Variants in ZNF429 observed in about 807,000 individuals in gnomAD.
The protein encoded by ZNF429 is zinc finger protein 429.
In ZNF429, 53 loss-of-function variants were observed where a neutral mutation model predicts 56.8. That is an observed-to-expected ratio of 0.93 (90% CI 0.75 to 1.17). The LOEUF is 1.17. Ranked by LOEUF, ZNF429 falls within the 50% of genes most tolerant of loss-of-function variation. The pLI, the probability that ZNF429 is intolerant of heterozygous loss-of-function variation, is 0.00. For missense variants in ZNF429, 849 were observed against 788.4 expected (o/e 1.08, Z -0.92); for synonymous variants, 278 against 264.7 (o/e 1.05, Z -0.49).
chr19:21,526,378 C>A (rs2033174254), intron 1 of ZNF429, among the ~76,000 whole-genome samples: 1 of 152,156 alleles, frequency 6.6e-6, no homozygotes, highest in Non-Finnish European at 1.5e-5. Context: ...CATTCCTATG[C>A]CTTTGTGTTT....
At chr19:21,521,677 T>G (rs1879234) in intron 1 of ZNF429, 123,172 of 152,730 alleles carry the variant, frequency 0.81, 50,334 homozygotes, top group African/African-American at 0.94. Flanking sequence ...CATGCTTTGG[T>G]TGTCTGTTTC....
Position 21,522,961 on chromosome 19 carries a change from A to G in ZNF429, c.4-6697A>G, listed in dbSNP as rs531586088. ...GCAGAATCATGTCTCTTTGTTATCT[A>G]TAGTCCTCTACAGTCACTTCTAGAG... On this transcript the variant is annotated intron_variant, in intron 1 of 3. Transcript: ENST00000358491. Among the ~76,000 whole-genome samples, 28 of 152,074 alleles carry G rather than the reference A, an allele frequency of 1.8e-4. No individual in the cohort carries two copies. The South Asian group carries it at 4.4e-3, about 24-fold the overall frequency.
At chr19:21,506,052 T>C (rs1183356841) in intron 1 of ZNF429, 1 of 290,168 alleles carries the variant, frequency 3.4e-6, no homozygotes, top group Non-Finnish European at 6.9e-6. Flanking sequence ...CTCTCCCAGA[T>C]TGTGCAAGAA....
intron 3 of ZNF429, among the ~76,000 whole-genome samples, chr19:21,531,131 C>CAAAAAAAAAA: frequency 2.2e-5 from 1 of 44,790 alleles, no homozygotes; most frequent in African/African-American, 1.1e-4. Flanking sequence ...AAAAAAAAAC[C>CAAAAAAAAAA]AAAAAAAAAA....
intron 3 of ZNF429, among the ~76,000 whole-genome samples, chr19:21,536,021 T>C: frequency 2.6e-5 from 4 of 152,188 alleles, no homozygotes; most frequent in Non-Finnish European, 5.9e-5. Flanking sequence ...GTAACAGAAA[T>C]GTTTTTCATT....
intron 1 of ZNF429, among the ~76,000 whole-genome samples, chr19:21,527,547 G>A (rs1272026618): frequency 6.6e-6 from 1 of 152,136 alleles, no homozygotes; most frequent in Non-Finnish European, 1.5e-5. Context: ...GGTTTGGTAG[G>A]GACAGGGCAG....
intron 3 of ZNF429, among the ~76,000 whole-genome samples, chr19:21,533,718 T>C: frequency 0.81 from 122,337 of 151,748 alleles, 49,976 homozygotes; most frequent in African/African-American, 0.94. Flanking sequence ...TGTACCGGTG[T>C]AGTCTCAGCT....
chr19:21,537,514 C>G lies in ZNF429; in HGVS notation c.1461C>G (p.Gly487=), dbSNP rs753417701. 14 of 1,613,640 alleles carry G rather than the reference C, an allele frequency of 8.7e-6. No homozygotes were observed. Among genetic ancestry groups the G allele is most frequent in the Middle Eastern group, 3.3e-4 (2 of 6,082 alleles). ...GEKPYKCEEC[G]KAFKQSSNLN... is the part of the protein sequence containing the mutation. Reference sequence around the variant, plus strand: ...AACCCTACAAATGTGAAGAATGTGGCAAAGCCTTTAAGCAGTCCTCAAACC... The same window carrying G: ...AACCCTACAAATGTGAAGAATGTGGGAAAGCCTTTAAGCAGTCCTCAAACC... The change falls in exon 4 of 4, where the codon GGC becomes GGG. Residue 487 remains glycine (G), a synonymous_variant. Transcript: ENST00000358491.
intron 1 of ZNF429, among the ~76,000 whole-genome samples, chr19:21,511,191 C>T (rs539232588): frequency 0.015 from 2,179 of 149,922 alleles, 23 homozygotes; most frequent in Non-Finnish European, 0.024. Context: ...CCGGATGGGG[C>T]GGCTGGCCGG....
In ZNF429 at chr19:21,540,296, G is replaced by A. The variant is rs1441363652; in HGVS notation, c.*2218G>A. ...TGCTATTTAGTAACATAGTGGAATA[G>A]CATCTCTAGTAATCTCTTTTGCCAG... On this transcript the variant is annotated 3_prime_UTR_variant, in exon 4 of 4. Transcript: ENST00000358491. Among the ~76,000 whole-genome samples the A allele has an allele frequency of 6.6e-6, 1 of 152,146 alleles. No homozygotes were observed. Among genetic ancestry groups the A allele is most frequent in the Non-Finnish European group, 1.5e-5 (1 of 68,004 alleles).
intron 1 of ZNF429, among the ~76,000 whole-genome samples, chr19:21,526,421 A>G (rs1378553198): frequency 6.6e-6 from 1 of 152,242 alleles, no homozygotes; most frequent in Admixed American, 6.5e-5. Context: ...CAGTGAGAAC[A>G]GAAAACCTTT....
intron 3 of ZNF429, among the ~76,000 whole-genome samples, chr19:21,531,371 G>C: frequency 6.6e-6 from 1 of 152,058 alleles, no homozygotes; most frequent in South Asian, 2.1e-4. Context: ...CTTACCTCCT[G>C]AGGCCAGTTT....
At chr19:21,514,261 G>A (rs2032635605) in intron 1 of ZNF429, among the ~76,000 whole-genome samples, 1 of 152,282 alleles carries the variant, frequency 6.6e-6, no homozygotes, top group African/African-American at 2.4e-5. Context: ...TGTCATGGAA[G>A]TTTAGTGTAG....
chr19:21,505,729 G>A lies in ZNF429; in HGVS notation c.-43G>A, dbSNP rs943882534. The A allele has an allele frequency of 1.6e-5, 26 of 1,605,250 alleles. No individual in the cohort carries two copies. The Admixed American group carries it at 2.3e-4, about 14-fold the overall frequency. ...TGGCCCTGTGACCCGCAGATATTGG[G>A]AGATACACAGCTAAGACTCCAGGAC... On this transcript the variant is annotated 5_prime_UTR_variant, in exon 1 of 4. Transcript: ENST00000358491.
At chr19:21,531,124 AAAAAAC>A in intron 3 of ZNF429, among the ~76,000 whole-genome samples, 4 of 65,462 alleles carry the variant, frequency 6.1e-5, no homozygotes, top group Admixed American at 4.5e-4. Flanking sequence ...AAAAAAAAAA[AAAAAAC>A]CAAAAAAAAA....
intron 1 of ZNF429, among the ~76,000 whole-genome samples, chr19:21,508,491 G>GGTTT (rs2145410916): frequency 6.6e-6 from 1 of 152,120 alleles, no homozygotes; most frequent in East Asian, 1.9e-4. Flanking sequence ...CCACTCCCTG[G>GGTTT]GTTTGTCACT....
rs199862704 is a variant in ZNF429 at position 21,536,872 on chromosome 19, T to G, written c.819T>G (p.Thr273=). 2 of 1,613,870 alleles carry G rather than the reference T, an allele frequency of 1.2e-6. No homozygotes were observed. Among genetic ancestry groups the G allele is most frequent in the Middle Eastern group, 1.6e-4 (1 of 6,062 alleles). Reference sequence around the variant, plus strand: ...CCTTTAGCAGGTACTCAACCCTTACTACCCATAAGAGAATTCATTCTGGAG... The same window carrying G: ...CCTTTAGCAGGTACTCAACCCTTACGACCCATAAGAGAATTCATTCTGGAG... ...GKAFSRYSTL[T]THKRIHSGEK... is the part of the protein sequence containing the mutation. Residue 273 remains threonine (T), a synonymous_variant, in exon 4 of 4, where the codon ACT becomes ACG. Coordinates refer to ENST00000358491, the MANE Select transcript of ZNF429 (RefSeq NM_001001415.4).
intron 1 of ZNF429, among the ~76,000 whole-genome samples, chr19:21,524,267 C>G (rs368352540): frequency 7.2e-5 from 11 of 152,336 alleles, no homozygotes; most frequent in South Asian, 6.2e-4. Flanking sequence ...TGGTGGCTCA[C>G]GCCTATAATC....
At position 21,536,649 on chromosome 19, in the gene ZNF429, A is replaced by T. The variant is rs2145487018; in HGVS notation, c.596A>T (p.Asn199Ile). 6.2e-7 allele frequency: 1 copy of T among 1,614,032 alleles called. No individual in the cohort carries two copies. Among genetic ancestry groups the T allele is most frequent in the South Asian group, 1.1e-5 (1 of 91,082 alleles). The change falls in exon 4 of 4, where the codon AAT becomes ATT. Residue 199 changes from asparagine (N) to isoleucine (I), a missense_variant. Transcript: ENST00000358491. ...TQHKKIHIRE[N>I]TYRCKEFGNA... The stretch of plus-strand genomic sequence containing the variant: ...CATAAGAAAATTCATATTAGAGAGA[A>T]TACCTACAGATGTAAAGAATTTGGC...
Sources: gnomAD v4.1 joint callset for allele counts (sites outside exome capture counted in the v4.1 genomes callset) on GRCh38, gnomAD v4.1.1 for gene constraint, MANE v1.5 for transcripts, NCBI Gene and HGNC (gene_info 2026-07-23, HGNC 2026-07-21) for gene names.